The following ALG13 variants were observed in gnomAD, a reference collection of about 807,000 sequenced individuals.
ALG13 encodes the protein UDP-N-acetylglucosamine transferase subunit ALG13.
A neutral mutation model predicts 87.8 loss-of-function variants in ALG13; 11 were observed. The ratio of observed to expected loss-of-function variants is 0.13; its 90% CI spans 0.08 to 0.21. The LOEUF (loss-of-function observed/expected upper bound fraction) is 0.21, where lower values mean the gene tolerates loss of function less well. Ranked by LOEUF, ALG13 falls within the 10% of genes least tolerant of loss-of-function variation. ALG13 has a pLI of 1.00. For synonymous variants in ALG13, 320 were observed against 306.3 expected (o/e 1.04, Z -0.47); for missense variants, 756 against 866.1 (o/e 0.87, Z 1.60).
At chrX:111,692,970 G>A (rs1289924116) in intron 3 of ALG13, among the ~76,000 whole-genome samples, 1 of 110,245 alleles carries the variant, frequency 9.1e-6, no homozygotes, top group Non-Finnish European at 1.9e-5. Context: ...TTGTAGAGAC[G>A]GGGTTTTGCC....
intron 22 of ALG13, among the ~76,000 whole-genome samples, chrX:111,735,999 T>C (rs1943203195): frequency 9.0e-6 from 1 of 111,534 alleles, no homozygotes; most frequent in African/African-American, 3.3e-5. Context: ...GCACCTTTTC[T>C]CTTTAAAAAA....
intron 3 of ALG13, 117 bp from the exon 4 acceptor site, chrX:111,707,910 A>T: frequency 1.2e-6 from 1 of 826,357 alleles, no homozygotes; most frequent in Non-Finnish European, 1.7e-6. Flanking sequence ...AGATTGGGTT[A>T]ATTCCACTCT....
At chrX:111,717,613 C>T (rs1362317157) in intron 8 of ALG13, among the ~76,000 whole-genome samples, 1 of 104,043 alleles carries the variant, frequency 9.6e-6, no homozygotes, top group East Asian at 3.0e-4. Flanking sequence ...TTGAGGCTCA[C>T]AGTGTAACCT....
In ALG13 at chrX:111,727,713, A is replaced by G. The variant is rs1401738752; in HGVS notation, c.2190A>G (p.Glu730=). The part of the protein sequence containing the change: ...GNGQMPRGLE[E]TITFYEVEEG... ...GACAGATGCCCAGGGGCTTGGAAGA[A>G]ACTATTACTTTTTATGAAGTTGAAG... Residue 730 remains glutamate (E), a synonymous_variant, in exon 18 of 27, where the codon GAA becomes GAG. Transcript: ENST00000394780. 8.3e-7 allele frequency: 1 copy of G among 1,208,508 alleles called. No individual in the cohort carries two copies. The highest frequency in any genetic ancestry group is 1.1e-6 in the Non-Finnish European group (1 of 894,527).
chrX:111,726,991 T>G lies in ALG13; in HGVS notation c.1912T>G (p.Ser638Ala), dbSNP rs1361412216. The G allele has an allele frequency of 7.4e-6, 9 of 1,211,298 alleles. No homozygotes were observed. The Middle Eastern group carries it at 6.9e-4, about 93-fold the overall frequency. ...CTCACAGACAGCTGGCAATGTTATGTCTAATGAACATTTTCATCCTCAGCA... is the reference window on the plus strand; with the variant it reads ...CTCACAGACAGCTGGCAATGTTATGGCTAATGAACATTTTCATCCTCAGCA... ...HYSQTAGNVM[S>A]NEHFHPQHPS... Residue 638 changes from serine (S) to alanine (A), a missense_variant, in exon 16 of 27, where the codon TCT becomes GCT. Ser to Ala is a moderately conservative substitution (Grantham distance 99, BLOSUM62 1). Around this residue, in one of 9 missense-constraint regions of ALG13, gnomAD observed 362 missense variants for 383.5 expected, o/e 0.94. Coordinates refer to ENST00000394780, the MANE Select transcript of ALG13 (RefSeq NM_001099922.3).
At chrX:111,710,600 G>T (rs1190326493) in intron 5 of ALG13, among the ~76,000 whole-genome samples, 1 of 111,854 alleles carries the variant, frequency 8.9e-6, no homozygotes, top group Admixed American at 9.4e-5. Flanking sequence ...GGGTACTTAC[G>T]GAAGTGATAC....
rs867680513 is a variant in ALG13, at chrX:111,753,902, A to C, written c.2973+1072A>C. Among the ~76,000 whole-genome samples the C allele has an allele frequency of 3.6e-5, 4 of 111,649 alleles. No homozygotes were observed. The South Asian group carries it at 1.5e-3, about 42-fold the overall frequency. Reference sequence around the variant, plus strand: ...GATTCCAATCAATAGAAAGAGAGGAACTCCTTTCTAACTCATTTTATGAAG... The same window carrying C: ...GATTCCAATCAATAGAAAGAGAGGACCTCCTTTCTAACTCATTTTATGAAG... On this transcript the variant is annotated intron_variant, in intron 25 of 26. Transcript: ENST00000394780.
At chrX:111,685,203 C>G (rs1176202799) in intron 3 of ALG13, 100 bp downstream of exon 3, 1 of 913,111 alleles carries the variant, frequency 1.1e-6, no homozygotes. Flanking sequence ...TGCCTCTTAC[C>G]TTCTCCCAGT....
At position 111,682,292 on chromosome X, in the gene ALG13, C is replaced by T; in HGVS notation, c.242C>T (p.Ala81Val). The change falls in exon 2 of 27, where the codon GCA becomes GTA. Residue 81 changes from alanine (A) to valine (V), a missense_variant and splice_region_variant. Ala to Val is a moderately conservative substitution (Grantham distance 64). Transcript: ENST00000394780. ...IQKADLVISH[A>V]GAGSCLETLE... ...AAAGCAGATCTTGTTATTAGTCACG[C>T]AGGTAAAGGTGCCTAAGAATCTCAG... 8.6e-7 allele frequency: 1 copy of T among 1,160,934 alleles called. No individual in the cohort carries two copies. Among genetic ancestry groups the T allele is most frequent in the Non-Finnish European group, 1.1e-6 (1 of 870,640 alleles).
At chrX:111,740,148 T>G (rs1188596972) in intron 23 of ALG13, among the ~76,000 whole-genome samples, 2 of 111,164 alleles carry the variant, frequency 1.8e-5, no homozygotes, top group Non-Finnish European at 3.8e-5. Context: ...GATGTAGTTA[T>G]TTTTTTAAAT....
chrX:111,751,928 G>C (rs1297663147), intron 24 of ALG13, among the ~76,000 whole-genome samples: 1 of 111,913 alleles, frequency 8.9e-6, no homozygotes, highest in East Asian at 2.8e-4. Context: ...TTATGAAATA[G>C]TTTAGTTTCA....
At position 111,744,790 on chromosome X, in the gene ALG13, C is replaced by A; in HGVS notation, c.2818C>A (p.Pro940Thr). The A allele has an allele frequency of 1.1e-5, 12 of 1,113,058 alleles. No homozygotes were observed. Among genetic ancestry groups the A allele is most frequent in the Non-Finnish European group, 1.3e-5 (11 of 841,466 alleles). The allele number at this position is 1,113,058 out of a possible 1,213,427, so 91.7% of individuals were successfully genotyped here. Residue 940 changes from proline (P) to threonine (T), a missense_variant, in exon 24 of 27, where the codon CCT (proline) becomes ACT (threonine). Pro to Thr is a conservative substitution (Grantham distance 38, BLOSUM62 -1). Transcript: ENST00000394780. ...ACCACCTCCTCCTCCTCCTCCTCCT[C>A]CTCCTCCTCCTCCTCCTGCTCTTGA... ...PPPPPPPPPP[P>T]PPPPPALDVG...
At chrX:111,738,201 A>G in intron 23 of ALG13, among the ~76,000 whole-genome samples, 1 of 112,643 alleles carries the variant, frequency 8.9e-6, no homozygotes, top group Non-Finnish European at 1.9e-5. Flanking sequence ...GAACTCAGGA[A>G]AGAATTATAA....
chrX:111,718,949 T>G (rs1203261050), intron 10 of ALG13, among the ~76,000 whole-genome samples: 2 of 111,758 alleles, frequency 1.8e-5, no homozygotes, highest in Admixed American at 1.9e-4. Context: ...ATAGGTTTGG[T>G]GCTAGGTAAG....
chrX:111,681,250 C>G lies in ALG13; in HGVS notation c.32C>G (p.Thr11Ser). The G allele has an allele frequency of 1.6e-6, 2 of 1,212,386 alleles. No individual in the cohort carries two copies. Among genetic ancestry groups the G allele is most frequent in the Non-Finnish European group, 2.2e-6 (2 of 895,601 alleles). MKCVFVTVGTTSFDDLIACVS... is the reference protein window; with the variant it reads MKCVFVTVGTSSFDDLIACVS... ...TGCGTGTTTGTTACCGTAGGGACCA[C>G]CAGCTTTGACGACCTCATTGCGTGT... The change falls in exon 1 of 27, where the codon ACC becomes AGC. Residue 11 changes from threonine to serine, a missense_variant. By Grantham distance (58) the Thr-to-Ser change is moderately conservative (BLOSUM62 1). Transcript: ENST00000394780.
At chrX:111,709,155 A>G in intron 5 of ALG13, 107 bp downstream of exon 5, 1 of 354,508 alleles carries the variant, frequency 2.8e-6, no homozygotes, top group Non-Finnish European at 4.8e-6. Context: ...TCTCCTCAAT[A>G]GCAAATATAT....
Position 111,708,096 on chromosome X carries a change from G to A in ALG13, c.453G>A (p.Ala151=), listed in dbSNP as rs376291150. ...SAPGKCQDSA[A]LTSTAFSGLD... ...CTGGGAAGTGCCAAGATTCTGCAGC[G>A]CTGACTTCAACTGCCTTTTCAGGCC... The change falls in exon 4 of 27, where the codon GCG becomes GCA. Residue 151 remains alanine, a synonymous_variant. Transcript: ENST00000394780. 5 of 1,211,226 alleles carry A rather than the reference G, an allele frequency of 4.1e-6. No homozygotes were observed. Among genetic ancestry groups the A allele is most frequent in the East Asian group, 3.0e-5 (1 of 33,820 alleles).
intron 24 of ALG13, among the ~76,000 whole-genome samples, chrX:111,748,698 C>T (rs866440495): frequency 4.5e-5 from 5 of 111,577 alleles, no homozygotes; most frequent in African/African-American, 6.5e-5. Flanking sequence ...TGTGGCTTAT[C>T]TATTTTCTTC....
Position 111,723,916 on chromosome X carries a change from T to G in ALG13, c.1601+18T>G. ...GCGGAAAAGTAGGAATATGATAATT[T>G]GTTGAATTACTGAAATCTTTGGTTC... On this transcript the variant is annotated intron_variant, in intron 14 of 26. Coordinates refer to ENST00000394780, the MANE Select transcript of ALG13 (RefSeq NM_001099922.3). The G allele has an allele frequency of 1.0e-6, 1 of 990,878 alleles. No homozygotes were observed. Among genetic ancestry groups the G allele is most frequent in the South Asian group, 2.4e-5 (1 of 42,527 alleles). The allele number at this position is 990,878 out of a possible 1,213,427, so 81.7% of individuals were successfully genotyped here. A position where few individuals can be genotyped will look rare whatever the true frequency, so the allele number is the denominator to read the frequency against.
Sources: gnomAD v4.1 joint callset for allele counts (sites outside exome capture counted in the v4.1 genomes callset) on GRCh38, gnomAD v4.1.1 for gene constraint, gnomAD v4.1.1 regional missense constraint, MANE v1.5 for transcripts, NCBI Gene and HGNC (gene_info 2026-07-23, HGNC 2026-07-21) for gene names.